CGNL1: variants seen among roughly 807,000 people sequenced by gnomAD.
CGNL1 encodes the protein cingulin-like protein 1.
Under a neutral mutation model 141.2 loss-of-function variants are expected in CGNL1, and 132 were observed. The ratio of observed to expected loss-of-function variants is 0.93; its 90% CI spans 0.81 to 1.08. The LOEUF is 1.08. Ranked by LOEUF, CGNL1 falls within the 50% of genes least tolerant of loss-of-function variation. The pLI is 0.00. For synonymous variants in CGNL1, 690 were observed against 622.1 expected (o/e 1.11, Z -1.63); for missense variants, 1,870 against 1,588.6 (o/e 1.18, Z -3.01).
rs759275663 is a variant in CGNL1, at chr15:57,453,739, A to G, written c.2111A>G (p.Gln704Arg). ...EQHQTEIRDL[Q>R]DQLSEMHDEL... ...CATCAGACTGAGATCAGGGATCTCC[A>G]GGACCAGCTCTCAGAAATGCACGAT... The change falls in exon 7 of 19, where the codon CAG (glutamine) becomes CGG (arginine). Residue 704 changes from glutamine (Q) to arginine (R), a missense_variant. Gln to Arg is a conservative substitution (Grantham distance 43). Coordinates refer to ENST00000281282, the MANE Select transcript of CGNL1 (RefSeq NM_032866.5). 9 of 1,613,886 alleles carry G rather than the reference A, an allele frequency of 5.6e-6. No homozygotes were observed. In the African/African-American group the frequency reaches 1.2e-4, roughly 22 times the overall value.
At chr15:57,475,175 A>G (rs1189445631) in intron 8 of CGNL1, among the ~76,000 whole-genome samples, 5 of 152,008 alleles carry the variant, frequency 3.3e-5, no homozygotes, top group Admixed American at 2.6e-4. Context: ...CCACCCTCAC[A>G]AGTCCCTGGT....
chr15:57,423,451 G>A (rs1044429058), intron 1 of CGNL1, among the ~76,000 whole-genome samples: 4 of 150,492 alleles, frequency 2.7e-5, no homozygotes, highest in Non-Finnish European at 4.4e-5. Context: ...TTTTTTTAAC[G>A]TTAATTTCTG....
intron 8 of CGNL1, among the ~76,000 whole-genome samples, chr15:57,497,257 G>T (rs1409150412): frequency 6.6e-6 from 1 of 152,072 alleles, no homozygotes; most frequent in Non-Finnish European, 1.5e-5. Flanking sequence ...GGGCCTCTTT[G>T]TTTGCTCCTG....
intron 8 of CGNL1, among the ~76,000 whole-genome samples, chr15:57,464,183 G>A (rs2063481168): frequency 1.3e-5 from 2 of 151,978 alleles, no homozygotes; most frequent in Non-Finnish European, 2.9e-5. Flanking sequence ...GGAGGGTATG[G>A]TGGGGACTGT....
chr15:57,452,123 C>T lies in CGNL1; in HGVS notation c.1906-18C>T. On this transcript the variant is annotated intron_variant, in intron 5 of 18. Coordinates refer to ENST00000281282, the MANE Select transcript of CGNL1 (RefSeq NM_032866.5). ...ATGTACAGTGGAGGCTCTTTAAAATCACACTGATTCCTGTTAGAATCAACA... is the reference window on the plus strand; with the variant it reads ...ATGTACAGTGGAGGCTCTTTAAAATTACACTGATTCCTGTTAGAATCAACA... 6.2e-7 allele frequency: 1 copy of T among 1,606,104 alleles called. No individual in the cohort carries two copies. The highest frequency in any genetic ancestry group is 8.5e-7 in the Non-Finnish European group (1 of 1,176,600).
rs1268295969 is a variant in CGNL1 at position 57,524,613 on chromosome 15, A to G, written c.2901A>G (p.Ser967=). 7 of 1,613,908 alleles carry G rather than the reference A, an allele frequency of 4.3e-6. No individual in the cohort carries two copies. Among genetic ancestry groups the G allele is most frequent in the Non-Finnish European group, 5.9e-6 (7 of 1,179,996 alleles). ...MADIVEASRT[S]TLELQNQLDE... ...ACATTGTTGAGGCCTCCCGTACCTC[A>G]ACCCTGGAGCTCCAGAACCAGCTGG... is the stretch of plus-strand genomic sequence containing the variant. Residue 967 remains serine, a synonymous_variant, in exon 12 of 19, where the codon TCA becomes TCG. Coordinates refer to ENST00000281282, the MANE Select transcript of CGNL1 (RefSeq NM_032866.5).
intron 1 of CGNL1, among the ~76,000 whole-genome samples, chr15:57,400,192 G>T (rs1413721664): frequency 2.0e-5 from 3 of 152,030 alleles, no homozygotes; most frequent in African/African-American, 7.2e-5. Flanking sequence ...AGAGATGGGG[G>T]TCTTGCTATG....
chr15:57,475,808 A>G (rs2063648762), intron 8 of CGNL1, among the ~76,000 whole-genome samples: 1 of 151,742 alleles, frequency 6.6e-6, no homozygotes, highest in Non-Finnish European at 1.5e-5. Flanking sequence ...CCCGGCTCAT[A>G]TTAGCCTGTC....
At chr15:57,384,851 C>T (rs2062464923) in intron 1 of CGNL1, among the ~76,000 whole-genome samples, 1 of 152,216 alleles carries the variant, frequency 6.6e-6, no homozygotes. Context: ...TTTCCTCTGT[C>T]TCTAGCAGCC....
intron 1 of CGNL1, among the ~76,000 whole-genome samples, chr15:57,404,068 A>G (rs2062688786): frequency 6.6e-6 from 1 of 152,170 alleles, no homozygotes; most frequent in South Asian, 2.1e-4. Context: ...CAAGGTGTTG[A>G]TTTTGACTGC....
chr15:57,505,626 T>G (rs1352243848), intron 8 of CGNL1, among the ~76,000 whole-genome samples: 1 of 152,124 alleles, frequency 6.6e-6, no homozygotes, highest in African/African-American at 2.4e-5. Context: ...GGTACCAGAG[T>G]CAGCCTAAAC....
chr15:57,528,737 G>T lies in CGNL1; in HGVS notation c.3123G>T (p.Thr1041=). The change falls in exon 13 of 19, where the codon ACG becomes ACT. Residue 1041 remains threonine, a synonymous_variant. Transcript: ENST00000281282. ...CAAAAAGGCAGCTTCTGGAGCAGAC[G>T]CTGAAGGACCTGGAGTATGAGCTGG... ...ALTKRQLLEQ[T]LKDLEYELEA... is the part of the protein sequence containing the mutation. 6.2e-7 allele frequency: 1 copy of T among 1,614,146 alleles called. No individual in the cohort carries two copies. Among genetic ancestry groups the T allele is most frequent in the Non-Finnish European group, 8.5e-7 (1 of 1,180,024 alleles).
intron 8 of CGNL1, among the ~76,000 whole-genome samples, chr15:57,471,605 G>A (rs568630956): frequency 1.1e-4 from 17 of 152,320 alleles, no homozygotes; most frequent in South Asian, 2.1e-4. Context: ...GCTTGGTCGC[G>A]TGGTCAGGCT....
At chr15:57,481,935 A>G (rs143460839) in intron 8 of CGNL1, among the ~76,000 whole-genome samples, 79 of 152,296 alleles carry the variant, frequency 5.2e-4, no homozygotes, top group African/African-American at 1.8e-3. Flanking sequence ...GGCATTGTCA[A>G]TATGTTGTAT....
At chr15:57,402,135 C>CTGGTGGGAGGTGTT (rs2062667046) in intron 1 of CGNL1, 1 of 152,212 alleles carries the variant, frequency 6.6e-6, no homozygotes, top group Non-Finnish European at 1.5e-5. Flanking sequence ...GAGGTGGGGC[C>CTGGTGGGAGGTGTT]TGGTGGGAGG....
intron 1 of CGNL1, among the ~76,000 whole-genome samples, chr15:57,435,775 GC>G (rs1320818885): frequency 2.0e-5 from 3 of 152,096 alleles, no homozygotes; most frequent in Admixed American, 6.6e-5. Context: ...GTAAAGATGT[GC>G]TAGAGCCAAA....
At chr15:57,472,310 G>T (rs555806303) in intron 8 of CGNL1, among the ~76,000 whole-genome samples, 1 of 152,244 alleles carries the variant, frequency 6.6e-6, no homozygotes, top group South Asian at 2.1e-4. Flanking sequence ...GGCAAGTGAG[G>T]CTGGGCTGTG....
chr15:57,512,385 G>T (rs550107796), intron 8 of CGNL1, among the ~76,000 whole-genome samples: 16 of 152,146 alleles, frequency 1.1e-4, no homozygotes, highest in African/African-American at 3.9e-4. Flanking sequence ...CTGGCCATGT[G>T]GGGGTGTGGG....
At chr15:57,446,665 C>CTTTTTTT (rs11327140) in intron 4 of CGNL1, among the ~76,000 whole-genome samples, 5 of 116,694 alleles carry the variant, frequency 4.3e-5, no homozygotes, top group Non-Finnish European at 7.0e-5. Flanking sequence ...CTGAACATTA[C>CTTTTTTT]TTTTTTTTTT....
Sources: gnomAD v4.1 joint callset for allele counts (sites outside exome capture counted in the v4.1 genomes callset) on GRCh38, gnomAD v4.1.1 for gene constraint, MANE v1.5 for transcripts, NCBI Gene and HGNC (gene_info 2026-07-23, HGNC 2026-07-21) for gene names.